The following SLC12A4 variants were observed in gnomAD, a reference collection of about 807,000 sequenced individuals.
SLC12A4 encodes the protein solute carrier family 12 member 4.
SLC12A4 carries 84 observed loss-of-function variants against 119.2 expected under a neutral mutation model. That is an observed-to-expected ratio of 0.70 (90% CI 0.59 to 0.85). The LOEUF is 0.85. Ranked by LOEUF, SLC12A4 falls within the 40% of genes least tolerant of loss-of-function variation. The probability of loss-of-function intolerance (pLI) is 0.00; values close to 1 mark genes in which losing one functional copy is unlikely to be tolerated. For synonymous variants in SLC12A4, 599 were observed against 604.6 expected, an observed-to-expected ratio of 0.99 and a Z score of 0.14; for missense variants, 1,298 against 1,476.3, an observed-to-expected ratio of 0.88 and a Z score of 1.98.
chr16:67,957,449 A>G (rs2030327560), intron 5 of SLC12A4: 2 of 358,524 alleles, frequency 5.6e-6, no homozygotes, highest in South Asian at 2.8e-5. Flanking sequence ...GATTACAGGC[A>G]TGAGCCACCG....
chr16:67,953,175 T>A (rs763287036), intron 6 of SLC12A4, among the ~76,000 whole-genome samples: 1 of 151,678 alleles, frequency 6.6e-6, no homozygotes, highest in Non-Finnish European at 1.5e-5. Flanking sequence ...CTGCCTGAGC[T>A]CAAGAGTTCG....
Position 67,959,089 on chromosome 16 carries a change from G to A in SLC12A4, c.343-1045C>T, listed in dbSNP as rs574240269. ...GCTTTGGAAGCCCCTGGGACATCCTGTTGGGAAAATCCTACAGAGAAAGTG... is the reference window on the plus strand; with the variant it reads ...GCTTTGGAAGCCCCTGGGACATCCTATTGGGAAAATCCTACAGAGAAAGTG... On this transcript the variant is annotated intron_variant, in intron 3 of 23. Transcript: ENST00000316341. 3.3e-5 allele frequency among the ~76,000 whole-genome samples: 5 copies of A among 152,334 alleles called. No individual in the cohort carries two copies. The South Asian group carries it at 1.0e-3, about 32-fold the overall frequency.
At chr16:67,963,836 TGAGGGACGGGGCCTGCA>T in intron 1 of SLC12A4, 2 of 1,478,774 alleles carry the variant, frequency 1.4e-6, no homozygotes, top group Non-Finnish European at 1.8e-6. Context: ...GTATGGACAC[TGAGGGACGGGGCCTGCA>T]GAGGGGCGGG....
Position 67,950,775 on chromosome 16 carries a change from C to T in SLC12A4, c.1397-64G>A. On this transcript the variant is annotated intron_variant, in intron 10 of 23. Transcript: ENST00000316341. The surrounding 1 kb of genome is among the most constrained non-coding windows in gnomAD (Gnocchi z 4.3). ...CACTGTCCCTGAATAGTACCACGTG[C>T]CCCCACCCCAGCCAGACTACCAGGA... 6.4e-7 allele frequency: 1 copy of T among 1,557,326 alleles called. No homozygotes were observed. The highest frequency in any genetic ancestry group is 8.7e-7 in the Non-Finnish European group (1 of 1,146,944).
Position 67,949,110 on chromosome 16 carries a change from C to T in SLC12A4, c.1748+690G>A, listed in dbSNP as rs1217334038. Among the ~76,000 whole-genome samples, 20 of 152,178 alleles carry T rather than the reference C, an allele frequency of 1.3e-4. No individual in the cohort carries two copies. The highest frequency in any genetic ancestry group is 2.1e-4 in the South Asian group (1 of 4,830). ...GGCCACTCCCTGCAAGGCACTGGCA[C>T]GCAGATTTGCCTGGCTGATTCCAGA... On this transcript the variant is annotated intron_variant, in intron 13 of 23. Coordinates refer to ENST00000316341, the MANE Select transcript of SLC12A4 (RefSeq NM_005072.5). The surrounding 1 kb of genome is among the most constrained non-coding windows in gnomAD (Gnocchi z 4.6).
Position 67,947,039 on chromosome 16 carries a change from G to A in SLC12A4, c.2139C>T (p.Thr713=). 6.2e-7 allele frequency: 1 copy of A among 1,612,796 alleles called. No homozygotes were observed. Residue 713 remains threonine, a synonymous_variant, in exon 17 of 24, where the codon ACC becomes ACT. Coordinates refer to ENST00000316341, the MANE Select transcript of SLC12A4 (RefSeq NM_005072.5). The part of the protein sequence containing the change: ...DLHVKYPRLL[T]FASQLKAGKG... ...TGCCAGCCTTGAGCTGGGAGGCGAA[G>A]GTGAGGAGCCGCGGGTACTTCACGT...
intron 3 of SLC12A4, among the ~76,000 whole-genome samples, chr16:67,961,014 G>A (rs1036379627): frequency 6.6e-6 from 1 of 151,954 alleles, no homozygotes; most frequent in Non-Finnish European, 1.5e-5. Flanking sequence ...CATGACCTCC[G>A]AGAGACAACC....
intron 1 of SLC12A4, chr16:67,966,748 C>G (rs1318702364): frequency 1.3e-6 from 2 of 1,551,542 alleles, no homozygotes; most frequent in Non-Finnish European, 1.7e-6. Flanking sequence ...ATCAAAATCA[C>G]TCACCGGGGC....
At chr16:67,955,338 C>CAAGAGTCATCTCATGTTGCT (rs2030194708) in intron 5 of SLC12A4, among the ~76,000 whole-genome samples, 1 of 152,228 alleles carries the variant, frequency 6.6e-6, no homozygotes, top group Non-Finnish European at 1.5e-5. Context: ...CACAGGGGGA[C>CAAGAGTCATCTCATGTTGCT]AAGAGTCATC....
chr16:67,963,826 G>T (rs951073259), intron 1 of SLC12A4: 286 of 1,444,420 alleles, frequency 2.0e-4, no homozygotes, highest in Non-Finnish European at 2.6e-4. Context: ...GCACAAGCAC[G>T]TATGGACACT....
chr16:67,955,654 G>A (rs2030217436), intron 5 of SLC12A4, among the ~76,000 whole-genome samples: 1 of 152,186 alleles, frequency 6.6e-6, no homozygotes, highest in Admixed American at 6.5e-5. Context: ...GCTGAGATGG[G>A]TGGACTGCCT....
In SLC12A4 at chr16:67,951,379, C is replaced by A. The variant is rs769389659; in HGVS notation, c.1133-75G>T. 285 of 1,527,098 alleles carry A rather than the reference C, an allele frequency of 1.9e-4. No individual in the cohort carries two copies. The highest frequency in any genetic ancestry group is 2.4e-4 in the Non-Finnish European group (275 of 1,135,432). The allele number at this position is 1,527,098 out of a possible 1,614,324, so 94.6% of individuals were successfully genotyped here. On this transcript the variant is annotated intron_variant, in intron 8 of 23. Coordinates refer to ENST00000316341, the MANE Select transcript of SLC12A4 (RefSeq NM_005072.5). This position sits in a 1 kb window ranked among gnomAD's most constrained non-coding sequence, Gnocchi z 5.2. ...TAGTTTGGGGCAGCCTAGCCAGAGG[C>A]GCAGATGCAGGGCAACTTTGGGGAC...
intron 2 of SLC12A4, 97 bp downstream of exon 2, chr16:67,963,368 G>A (rs2030685622): frequency 2.8e-6 from 2 of 701,900 alleles, no homozygotes; most frequent in South Asian, 2.0e-5. Flanking sequence ...GGAGATGAGA[G>A]GAAGAGCAAG....
At position 67,951,275 on chromosome 16, in the gene SLC12A4, C is replaced by CCTTCAA. The variant is rs1232967601; in HGVS notation, c.1161_1162insTTGAAG (p.Lys387_Gly388insLeuLys). 3 of 1,613,976 alleles carry CCTTCAA rather than the reference C, an allele frequency of 1.9e-6. No homozygotes were observed. Among genetic ancestry groups the CCTTCAA allele is most frequent in the Admixed American group, 1.7e-5 (1 of 60,012 alleles). On this transcript the variant is annotated inframe_insertion, in exon 9 of 24. Coordinates refer to ENST00000316341, the MANE Select transcript of SLC12A4 (RefSeq NM_005072.5). This position sits in a 1 kb window ranked among gnomAD's most constrained non-coding sequence, Gnocchi z 5.2. The stretch of plus-strand genomic sequence containing the variant: ...AGCCCATGCTTCTCCACGATGTCAC[C>CCTTCAA]CTTCTCCAGGTAGGCGCTCCACAGG...
chr16:67,944,290 C>T lies in SLC12A4; in HGVS notation c.*550G>A. 1 of 1,412,002 alleles carries T rather than the reference C, an allele frequency of 7.1e-7. No individual in the cohort carries two copies. The highest frequency in any genetic ancestry group is 9.2e-7 in the Non-Finnish European group (1 of 1,084,922). 87.5% of individuals were successfully genotyped at this position (1,412,002 alleles called of 1,614,324 possible). On this transcript the variant is annotated 3_prime_UTR_variant, in exon 24 of 24. Coordinates refer to ENST00000316341, the MANE Select transcript of SLC12A4 (RefSeq NM_005072.5). This position sits in a 1 kb window ranked among gnomAD's most constrained non-coding sequence, Gnocchi z 6.6. ...CCTGGGTTCAGTTCCGCCTTCTTCT[C>T]TTGGCGCCAGGGGAAACAGAGCCGG...
intron 6 of SLC12A4, chr16:67,954,106 C>T (rs530573719): frequency 3.6e-5 from 14 of 394,326 alleles, no homozygotes; most frequent in African/African-American, 2.6e-4. Context: ...CTCCTTGCCT[C>T]TTCTCCCACT....
At chr16:67,946,746 C>A in intron 17 of SLC12A4, 113 bp from the exon 18 acceptor site, 2 of 1,325,106 alleles carry the variant, frequency 1.5e-6, no homozygotes, top group Non-Finnish European at 2.1e-6. Context: ...GGCCTGGGGG[C>A]AACAAGCTGC....
In SLC12A4 at chr16:67,943,885, G is replaced by A. The variant is rs1458657416; in HGVS notation, c.*955C>T. On this transcript the variant is annotated 3_prime_UTR_variant, in exon 24 of 24. Transcript: ENST00000316341. The surrounding 1 kb of genome is among the most constrained non-coding windows in gnomAD (Gnocchi z 4.6). The stretch of plus-strand genomic sequence containing the variant: ...AGGGCTTTGGCCAGGTCAGCTGCCA[G>A]GGGCTGGGGCCCAGGCTCCCCAGGG... The A allele has an allele frequency of 9.7e-6, 14 of 1,450,162 alleles. No individual in the cohort carries two copies. Among genetic ancestry groups the A allele is most frequent in the Non-Finnish European group, 1.3e-5 (14 of 1,077,776 alleles). The allele number at this position is 1,450,162 out of a possible 1,614,324, so 89.8% of individuals were successfully genotyped here. A position where few individuals can be genotyped will look rare whatever the true frequency, so the allele number is the denominator to read the frequency against.
At position 67,950,904 on chromosome 16, in the gene SLC12A4, C is replaced by T. The variant is rs2058406986; in HGVS notation, c.1396+58G>A. 1.9e-6 allele frequency: 3 copies of T among 1,575,692 alleles called. No homozygotes were observed. Among genetic ancestry groups the T allele is most frequent in the South Asian group, 1.1e-5 (1 of 89,684 alleles). On this transcript the variant is annotated intron_variant, in intron 10 of 23. Coordinates refer to ENST00000316341, the MANE Select transcript of SLC12A4 (RefSeq NM_005072.5). The surrounding 1 kb of genome is among the most constrained non-coding windows in gnomAD (Gnocchi z 4.3). The stretch of plus-strand genomic sequence containing the variant: ...TCTGTGCATGTGACCTGGCAACGTA[C>T]ACAGGCCAAGCGCTTCCCGTCCTCT...
Sources: allele counts gnomAD v4.1 joint callset (sites outside exome capture counted in the v4.1 genomes callset), GRCh38; gene constraint gnomAD v4.1.1; non-coding constraint Gnocchi (gnomAD v3.1); transcripts MANE v1.5; gene names NCBI Gene and HGNC (gene_info 2026-07-23, HGNC 2026-07-21).